Variants in RABGAP1L observed in about 807,000 individuals in gnomAD.
RABGAP1L encodes the protein RAB GTPase activating protein 1 like.
In RABGAP1L, 63 loss-of-function variants were observed where a neutral mutation model predicts 137.7. That is an observed-to-expected ratio of 0.46 (90% CI 0.37 to 0.56). RABGAP1L has a LOEUF of 0.56. Ranked by LOEUF, RABGAP1L falls within the 20% of genes least tolerant of loss-of-function variation. The probability of loss-of-function intolerance (pLI) is 0.00; values close to 1 mark genes in which losing one functional copy is unlikely to be tolerated. For missense variants in RABGAP1L, 1,095 were observed against 1,244.0 expected (o/e 0.88, Z 1.80); for synonymous variants, 431 against 433.7 (o/e 0.99, Z 0.08).
chr1:174,466,255 T>C (rs1285098542), intron 13 of RABGAP1L, among the ~76,000 whole-genome samples: 1 of 152,236 alleles, frequency 6.6e-6, no homozygotes, highest in Non-Finnish European at 1.5e-5. Context: ...ATGTTTTTAA[T>C]AGATTTAGAA....
chr1:174,788,344 G>C (rs1356535751), intron 18 of RABGAP1L, among the ~76,000 whole-genome samples: 1 of 152,160 alleles, frequency 6.6e-6, no homozygotes, highest in Non-Finnish European at 1.5e-5. Flanking sequence ...TGTCTCTCTG[G>C]CAGTTTTGTA....
chr1:174,970,147 C>T (rs1670013083), intron 21 of RABGAP1L, among the ~76,000 whole-genome samples: 1 of 152,198 alleles, frequency 6.6e-6, no homozygotes, highest in Non-Finnish European at 1.5e-5. Flanking sequence ...AAACCTCATT[C>T]AGCCCACCCA....
intron 17 of RABGAP1L, among the ~76,000 whole-genome samples, chr1:174,718,051 T>C (rs1681169109): frequency 6.6e-6 from 1 of 152,210 alleles, no homozygotes; most frequent in African/African-American, 2.4e-5. Flanking sequence ...TTAGCCACCT[T>C]TCTCAGTACC....
intron 5 of RABGAP1L, among the ~76,000 whole-genome samples, chr1:174,248,491 G>C (rs1672447070): frequency 1.3e-5 from 2 of 152,172 alleles, no homozygotes; most frequent in African/African-American, 4.8e-5. Flanking sequence ...GGAACATTAT[G>C]ATATAAATAT....
intron 10 of RABGAP1L, among the ~76,000 whole-genome samples, chr1:174,283,658 C>T (rs1295120649): frequency 6.6e-6 from 1 of 152,050 alleles, no homozygotes; most frequent in African/African-American, 2.4e-5. Context: ...AGGTACCCAC[C>T]ACCACGCCTG....
chr1:174,584,648 C>A (rs1289713990), intron 13 of RABGAP1L, among the ~76,000 whole-genome samples: 1 of 152,104 alleles, frequency 6.6e-6, no homozygotes, highest in East Asian at 1.9e-4. Flanking sequence ...TGGGCTTGGC[C>A]ACTTTGTAAG....
At chr1:174,910,252 C>T (rs1017731570) in intron 19 of RABGAP1L, among the ~76,000 whole-genome samples, 18 of 152,114 alleles carry the variant, frequency 1.2e-4, no homozygotes, top group Admixed American at 1.0e-3. Context: ...AAGTGTGGTA[C>T]ATCACATGGA....
chr1:174,230,664 C>G (rs570611581), intron 3 of RABGAP1L, among the ~76,000 whole-genome samples: 128 of 152,160 alleles, frequency 8.4e-4, no homozygotes, highest in African/African-American at 2.9e-3. Context: ...GTTGTGGGAA[C>G]CTGGCATATG....
At chr1:174,638,114 G>A (rs1280519661) in intron 14 of RABGAP1L, among the ~76,000 whole-genome samples, 2 of 152,176 alleles carry the variant, frequency 1.3e-5, no homozygotes, top group African/African-American at 2.4e-5. Flanking sequence ...AGAATGAAGT[G>A]TGGTGGGTAT....
chr1:174,685,313 C>T (rs768487523), intron 15 of RABGAP1L, among the ~76,000 whole-genome samples: 1 of 152,222 alleles, frequency 6.6e-6, no homozygotes, highest in Non-Finnish European at 1.5e-5. Context: ...AATGCAGTGG[C>T]ACAATCTCGG....
chr1:174,984,074 A>G (rs1671374345), intron 24 of RABGAP1L, among the ~76,000 whole-genome samples: 1 of 151,400 alleles, frequency 6.6e-6, no homozygotes, highest in Non-Finnish European at 1.5e-5. Context: ...AAAAAAAAAA[A>G]AAAAGGGATA....
chr1:174,201,379 G>A (rs1039246439), intron 1 of RABGAP1L, among the ~76,000 whole-genome samples: 4 of 151,498 alleles, frequency 2.6e-5, no homozygotes, highest in African/African-American at 4.9e-5. Context: ...GTTTGTTTTA[G>A]TAGAGATGGA....
intron 19 of RABGAP1L, among the ~76,000 whole-genome samples, chr1:174,819,985 T>G (rs1690849691): frequency 6.6e-6 from 1 of 152,092 alleles, no homozygotes; most frequent in South Asian, 2.1e-4. Context: ...ATTTGAAGTT[T>G]TCTATTGTTT....
chr1:174,826,332 C>T lies in RABGAP1L; in HGVS notation c.2340+14372C>T, dbSNP rs144763385. The stretch of plus-strand genomic sequence containing the variant: ...CGCCTCTCGGGTTCAAGTGATTCTC[C>T]TGCCTCAGCCTCCTGAATAGCTGGG... On this transcript the variant is annotated intron_variant, in intron 19 of 25. Transcript: ENST00000681986. Among the ~76,000 whole-genome samples, 17 of 152,268 alleles carry T rather than the reference C, an allele frequency of 1.1e-4. No individual in the cohort carries two copies. The East Asian group carries it at 2.5e-3, about 22-fold the overall frequency.
At chr1:174,677,159 C>CAAAAAAAAAAAAAAAAAA (rs10636911) in intron 14 of RABGAP1L, among the ~76,000 whole-genome samples, 1 of 126,354 alleles carries the variant, frequency 7.9e-6, no homozygotes, top group Non-Finnish European at 1.6e-5. Flanking sequence ...CCATCTCTAC[C>CAAAAAAAAAAAAAAAAAA]AAAAAAAAAA....
intron 13 of RABGAP1L, among the ~76,000 whole-genome samples, chr1:174,428,711 G>A (rs1288798219): frequency 6.6e-6 from 1 of 152,004 alleles, no homozygotes; most frequent in South Asian, 2.1e-4. Context: ...AGTCCTCAAA[G>A]ACCCTCTTTT....
intron 13 of RABGAP1L, among the ~76,000 whole-genome samples, chr1:174,530,383 C>T (rs1664284475): frequency 6.6e-6 from 1 of 152,102 alleles, no homozygotes; most frequent in Non-Finnish European, 1.5e-5. Flanking sequence ...CTTGCTGTAG[C>T]TGTTTAGGTC....
At chr1:174,212,402 T>A (rs1396827600) in intron 1 of RABGAP1L, among the ~76,000 whole-genome samples, 1 of 152,018 alleles carries the variant, frequency 6.6e-6, no homozygotes, top group Non-Finnish European at 1.5e-5. Context: ...TTAGAAACTA[T>A]ACAAACACAT....
intron 13 of RABGAP1L, among the ~76,000 whole-genome samples, chr1:174,608,254 T>G (rs575378280): frequency 6.6e-6 from 1 of 152,272 alleles, no homozygotes; most frequent in East Asian, 1.9e-4. Context: ...TTTTCTTCTT[T>G]CTATCATATG....
Sources: allele counts gnomAD v4.1 joint callset (sites outside exome capture counted in the v4.1 genomes callset), GRCh38; gene constraint gnomAD v4.1.1; transcripts MANE v1.5; gene names NCBI Gene and HGNC (gene_info 2026-07-23, HGNC 2026-07-21).